The following ANXA8 variants were observed in gnomAD, a reference collection of about 807,000 sequenced individuals.
ANXA8 encodes annexin A8.
Under a neutral mutation model 26.8 loss-of-function variants are expected in ANXA8, and 9 were observed. The observed-to-expected ratio is 0.34, with a 90% CI of 0.20 to 0.59. ANXA8 has a LOEUF of 0.59. Ranked by LOEUF, ANXA8 falls within the 20% of genes least tolerant of loss-of-function variation. The pLI is 0.84. For missense variants in ANXA8, 83 were observed against 238.5 expected, an observed-to-expected ratio of 0.35 and a Z score of 4.29; for synonymous variants, 39 against 94.8, an observed-to-expected ratio of 0.41 and a Z score of 3.42.
chr10:47,958,138 T>C, the ANXA8 span, among the ~76,000 whole-genome samples: 2 of 150,192 alleles, frequency 1.3e-5, no homozygotes, highest in Non-Finnish European at 2.9e-5. Flanking sequence ...ACCATGACTG[T>C]CCCTCCATTC....
At chr10:47,644,109 CACT>C in the ANXA8 span, among the ~76,000 whole-genome samples, 1 of 131,712 alleles carries the variant, frequency 7.6e-6, no homozygotes, top group South Asian at 2.4e-4. Context: ...CCACAGTTGA[CACT>C]ACTATTTTAA....
chr10:47,673,776 T>A, the ANXA8 span, among the ~76,000 whole-genome samples: 2 of 151,712 alleles, frequency 1.3e-5, no homozygotes, highest in African/African-American at 4.8e-5. Context: ...TTCCTATTTT[T>A]ATTTAATTTA....
chr10:47,554,179 GTGGTC>G, the ANXA8 span, among the ~76,000 whole-genome samples: 2 of 16,614 alleles, frequency 1.2e-4, no homozygotes, highest in East Asian at 0.036. Context: ...CAGGGCGCCT[GTGGTC>G]CCTGTGGTCC....
At chr10:47,632,402 A>T in the ANXA8 span, among the ~76,000 whole-genome samples, 6 of 149,622 alleles carry the variant, frequency 4.0e-5, no homozygotes, top group African/African-American at 1.5e-4. Context: ...AAATTTTCAA[A>T]TAGGGCTGGT....
At chr10:47,956,418 ATTCT>A in the ANXA8 span, among the ~76,000 whole-genome samples, 23 of 127,040 alleles carry the variant, frequency 1.8e-4, no homozygotes, top group African/African-American at 6.8e-4. Flanking sequence ...AGGCGATAAG[ATTCT>A]TTCAGCTCCA....
the ANXA8 span, among the ~76,000 whole-genome samples, chr10:47,663,752 G>T: frequency 6.8e-6 from 1 of 147,496 alleles, no homozygotes; most frequent in Non-Finnish European, 1.5e-5. Context: ...AAGCAGAAGG[G>T]GTGCTTAAGA....
the ANXA8 span, among the ~76,000 whole-genome samples, chr10:47,585,362 A>G: frequency 2.1e-5 from 3 of 142,772 alleles, no homozygotes; most frequent in African/African-American, 8.3e-5. Flanking sequence ...TGTGAGTTCT[A>G]TACTAGACTC....
At chr10:47,952,254 G>A in the ANXA8 span, among the ~76,000 whole-genome samples, 2 of 151,672 alleles carry the variant, frequency 1.3e-5, no homozygotes, top group Admixed American at 6.6e-5. Context: ...ATTCAACATT[G>A]TACCAAAAGT....
At chr10:47,662,514 C>T in the ANXA8 span, among the ~76,000 whole-genome samples, 2 of 151,952 alleles carry the variant, frequency 1.3e-5, no homozygotes, top group Middle Eastern at 3.2e-3. Flanking sequence ...AAGTGACATA[C>T]AGGGCTCCTG....
chr10:47,621,835 T>G, the ANXA8 span, among the ~76,000 whole-genome samples: 1 of 104,420 alleles, frequency 9.6e-6, no homozygotes, highest in African/African-American at 3.9e-5. Context: ...TACATGCACG[T>G]GTTTAAAATC....
chr10:47,778,111 T>C, the ANXA8 span, among the ~76,000 whole-genome samples: 13 of 151,596 alleles, frequency 8.6e-5, no homozygotes, highest in Admixed American at 2.0e-4. Flanking sequence ...CAAGTACAGG[T>C]TGGGTATCCC....
the ANXA8 span, among the ~76,000 whole-genome samples, chr10:47,656,295 G>A: frequency 9.2e-5 from 14 of 151,516 alleles, no homozygotes; most frequent in East Asian, 9.7e-4. Context: ...CTACTTGAGA[G>A]GCTGAGGTGG....
At chr10:47,605,900 A>T in the ANXA8 span, among the ~76,000 whole-genome samples, 2 of 139,366 alleles carry the variant, frequency 1.4e-5, no homozygotes, top group African/African-American at 5.7e-5. Context: ...ACACTTAAAA[A>T]ACTGAACAAA....
upstream of ANXA8, chr10:47,487,509 A>T (rs2132449048): frequency 1.9e-6 from 1 of 518,422 alleles, no homozygotes; most frequent in Non-Finnish European, 3.3e-6. Flanking sequence ...TAGTCTCTGG[A>T]GTGGCCCGAT....
the ANXA8 span, among the ~76,000 whole-genome samples, chr10:47,506,557 T>C: frequency 7.0e-6 from 1 of 142,214 alleles, no homozygotes; most frequent in Non-Finnish European, 1.5e-5. Flanking sequence ...CTCAAACTCC[T>C]GACCTCAAGT....
At chr10:47,507,530 G>C in the ANXA8 span, 3 of 1,521,162 alleles carry the variant, frequency 2.0e-6, no homozygotes. Flanking sequence ...TAACAAGACA[G>C]GTTTCTAAAA....
rs1839847263 is a variant in ANXA8, at chr10:47,482,208, T to C, written c.21+1705A>G. On this transcript the variant is annotated intron_variant, in intron 1 of 11. Coordinates refer to ENST00000585281, the MANE Select transcript of ANXA8 (RefSeq NM_001040084.3). The stretch of plus-strand genomic sequence containing the variant: ...TTGCAGGTGGGGTCTACCTGTGAAC[T>C]TGCTACCCCTAGCCAGCTCTCACAT... 1.5e-5 allele frequency among the ~76,000 whole-genome samples: 2 copies of C among 130,826 alleles called. 1 individual carries two copies. The highest frequency in any genetic ancestry group is 5.9e-4 in the East Asian group (2 of 3,392). 85.8% of individuals were successfully genotyped at this position (130,826 alleles called of 152,430 possible).
chr10:47,905,044 AC>A, the ANXA8 span, among the ~76,000 whole-genome samples: 1 of 139,172 alleles, frequency 7.2e-6, no homozygotes, highest in Non-Finnish European at 1.6e-5. Flanking sequence ...AATTTTTGAT[AC>A]CCCCAAAACT....
At chr10:47,680,369 T>A in the ANXA8 span, among the ~76,000 whole-genome samples, 2 of 151,918 alleles carry the variant, frequency 1.3e-5, no homozygotes, top group Non-Finnish European at 2.9e-5. Flanking sequence ...GCGTGGTGGC[T>A]CATGCTGGTA....
Sources: gnomAD v4.1 joint callset for allele counts (sites outside exome capture counted in the v4.1 genomes callset) on GRCh38, gnomAD v4.1.1 for gene constraint, MANE v1.5 for transcripts, NCBI Gene and HGNC (gene_info 2026-07-23, HGNC 2026-07-21) for gene names.